NONO: variants seen among roughly 807,000 people sequenced by gnomAD.
The protein encoded by NONO is non-POU domain-containing octamer-binding protein.
Under a neutral mutation model 40.2 loss-of-function variants are expected in NONO, and 6 were observed. The ratio of observed to expected loss-of-function variants is 0.15; its 90% CI spans 0.08 to 0.29. The LOEUF is 0.29. Among genes scored for constraint, NONO ranks in the 10% least tolerant of loss-of-function variants. The pLI is 1.00. For synonymous variants in NONO, 89 were observed against 123.3 expected (o/e 0.72, Z 1.85); for missense variants, 133 against 397.8 (o/e 0.33, Z 5.66).
At chrX:71,295,238 A>G in intron 5 of NONO, among the ~76,000 whole-genome samples, 1 of 105,330 alleles carries the variant, frequency 9.5e-6, no homozygotes, top group Non-Finnish European at 1.9e-5. Context: ...AAAAAAAAAA[A>G]AAGACTTTTG....
rs1405066154 is a variant in NONO at position 71,297,031 on chromosome X, C to T, written c.927C>T (p.Val309=). ...EMEAARHEHQ[V]MLMRQDLMRR... ...AAGCTGCACGCCATGAGCACCAGGT[C>T]ATGCTAATGAGACAGGGTGAGTCTA... is the stretch of plus-strand genomic sequence containing the variant. The change falls in exon 7 of 12, where the codon GTC becomes GTT. Residue 309 remains valine (V), a synonymous_variant. Coordinates refer to ENST00000276079, the MANE Select transcript of NONO (RefSeq NM_007363.5). 1 of 1,198,325 alleles carries T rather than the reference C, an allele frequency of 8.3e-7. No homozygotes were observed.
chrX:71,284,190 C>T (rs1258284203), intron 1 of NONO: 4 of 112,590 alleles, frequency 3.6e-5, no homozygotes, highest in African/African-American at 1.3e-4. Flanking sequence ...TGGAAAGTTC[C>T]TCTGCATATC....
Position 71,299,922 on chromosome X carries a change from GCT to G in NONO, c.1282-15_1282-14del, listed in dbSNP as rs764838305. ...CCAACAATGGCTCTGTTACAGTGTT[GCT>G]CTCTTTTTCTCTTTAAGACCCCACC... On this transcript the variant is annotated intron_variant, in intron 11 of 11. Transcript: ENST00000276079. The G allele has an allele frequency of 1.3e-4, 158 of 1,208,364 alleles. 1 individual carries two copies. The African/African-American group carries it at 2.4e-3, about 19-fold the overall frequency.
chrX:71,297,414 A>G lies in NONO; in HGVS notation c.981A>G (p.Glu327=). 1 of 1,184,813 alleles carries G rather than the reference A, an allele frequency of 8.4e-7. No homozygotes were observed. The highest frequency in any genetic ancestry group is 1.9e-5 in the South Asian group (1 of 53,477). ...GCCAAGAAGAACTTCGGAGGATGGA[A>G]GAGCTGCACAACCAAGAGGTGCAAA... ...MRRQEELRRM[E]ELHNQEVQKR... The change falls in exon 8 of 12, where the codon GAA becomes GAG. Residue 327 remains glutamate, a synonymous_variant. Transcript: ENST00000276079.
chrX:71,296,218 T>C (rs1012208637), intron 5 of NONO, among the ~76,000 whole-genome samples: 1 of 104,519 alleles, frequency 9.6e-6, no homozygotes, highest in Non-Finnish European at 2.0e-5. Context: ...CAATCTCGGC[T>C]CATTTCAACC....
chrX:71,297,966 C>T (rs1482726890), intron 9 of NONO, 28 bp downstream of exon 9: 1 of 959,966 alleles, frequency 1.0e-6, no homozygotes. Context: ...CCGTGATGTA[C>T]CAGACCAGTC....
intron 2 of NONO, among the ~76,000 whole-genome samples, chrX:71,290,365 C>A (rs1261735171): frequency 8.9e-6 from 1 of 112,029 alleles, no homozygotes; most frequent in African/African-American, 3.2e-5. Context: ...TTTATTTTTT[C>A]TTTATTTTTT....
At position 71,300,933 on chromosome X, in the gene NONO, T is replaced by C. The variant is rs2031577338; in HGVS notation, c.*857T>C. ...CCCAGGAATGACCCTTTTGTGTCTATGATGTTGCTGTTCACAGCTTTTCTT... is the reference window on the plus strand; with the variant it reads ...CCCAGGAATGACCCTTTTGTGTCTACGATGTTGCTGTTCACAGCTTTTCTT... On this transcript the variant is annotated 3_prime_UTR_variant, in exon 12 of 12. Transcript: ENST00000276079. The C allele has an allele frequency of 1.3e-5, 2 of 159,297 alleles. No homozygotes were observed. Among genetic ancestry groups the C allele is most frequent in the African/African-American group, 6.1e-5 (2 of 32,975 alleles). The allele number at this position is 159,297 out of a possible 1,213,427, so 13.1% of individuals were successfully genotyped here.
At chrX:71,296,520 G>C (rs754716670) in intron 5 of NONO, 45 bp from the exon 6 acceptor site, 16 of 911,624 alleles carry the variant, frequency 1.8e-5, no homozygotes, top group South Asian at 4.5e-5. Context: ...AAGAAGCCTG[G>C]TGGGGTATGA....
intron 5 of NONO, 68 bp downstream of exon 5, chrX:71,294,596 C>T: frequency 4.0e-6 from 4 of 997,898 alleles, no homozygotes; most frequent in Middle Eastern, 2.7e-4. Context: ...GGAGAGTTAG[C>T]CTCTAGTAAC....
At chrX:71,291,577 A>G (rs2031328425) in intron 3 of NONO, among the ~76,000 whole-genome samples, 1 of 111,578 alleles carries the variant, frequency 9.0e-6, no homozygotes, top group Non-Finnish European at 1.9e-5. Context: ...CCCGTCGTAG[A>G]GCTGTTCAGA....
At chrX:71,291,107 TA>T (rs1220705758) in intron 3 of NONO, among the ~76,000 whole-genome samples, 1 of 112,204 alleles carries the variant, frequency 8.9e-6, no homozygotes, top group Non-Finnish European at 1.9e-5. Flanking sequence ...AAAAATAATA[TA>T]GAAAAGTCTT....
At chrX:71,287,711 G>A (rs963514459) in intron 2 of NONO, among the ~76,000 whole-genome samples, 1 of 108,052 alleles carries the variant, frequency 9.3e-6, no homozygotes, top group African/African-American at 3.4e-5. Flanking sequence ...TTGAGACAGG[G>A]TCTCATTCTG....
At chrX:71,294,680 G>A (rs2031396050) in intron 5 of NONO, 152 bp downstream of exon 5, 1 of 518,607 alleles carries the variant, frequency 1.9e-6, no homozygotes, top group Non-Finnish European at 3.1e-6. Flanking sequence ...CACTTTGGGA[G>A]GCCGGGGCAG....
Position 71,300,387 on chromosome X carries a change from G to T in NONO, c.*311G>T, listed in dbSNP as rs1602391937. On this transcript the variant is annotated 3_prime_UTR_variant, in exon 12 of 12. Transcript: ENST00000276079. ...GAGCCCATTAATCTTGATCATTCCG[G>T]TTTTTTTTTTTTTTGTCCATCTTGT... 18 of 239,002 alleles carry T rather than the reference G, an allele frequency of 7.5e-5. No individual in the cohort carries two copies. Among genetic ancestry groups the T allele is most frequent in the South Asian group, 5.3e-4 (8 of 15,166 alleles). 19.7% of individuals were successfully genotyped at this position (239,002 alleles called of 1,213,427 possible). A position where few individuals can be genotyped will look rare whatever the true frequency, so the allele number is the denominator to read the frequency against.
rs2031550943 is a variant in NONO at position 71,300,312 on chromosome X, A to G, written c.*236A>G. 2 of 396,885 alleles carry G rather than the reference A, an allele frequency of 5.0e-6. No individual in the cohort carries two copies. Among genetic ancestry groups the G allele is most frequent in the South Asian group, 3.6e-5 (1 of 27,832 alleles). The allele number at this position is 396,885 out of a possible 1,213,427, so 32.7% of individuals were successfully genotyped here. A position where few individuals can be genotyped will look rare whatever the true frequency, so the allele number is the denominator to read the frequency against. On this transcript the variant is annotated 3_prime_UTR_variant, in exon 12 of 12. Coordinates refer to ENST00000276079, the MANE Select transcript of NONO (RefSeq NM_007363.5). ...TGTGTGGTGCATTCCTGAAGTCTCT[A>G]ATGTGACTGTTGAGGGCCTGGGGAA...
chrX:71,284,967 CTG>C (rs2031156174), intron 2 of NONO: 1 of 112,548 alleles, frequency 8.9e-6, no homozygotes, highest in Non-Finnish European at 1.9e-5. Context: ...GATCTTCGTG[CTG>C]TGTTCTCTTT....
chrX:71,298,705 A>C lies in NONO; in HGVS notation c.1172-2A>C. On this transcript the variant is annotated splice_acceptor_variant, in intron 10 of 11. Coordinates refer to ENST00000276079, the MANE Select transcript of NONO (RefSeq NM_007363.5). LOFTEE classifies it high-confidence loss of function. ...TGTGCTGATCACACTACTCTGCCTT[A>C]GGTGCTATGGGCATAAACAACAGAG... The C allele has an allele frequency of 8.3e-7, 1 of 1,201,593 alleles. No individual in the cohort carries two copies. The highest frequency in any genetic ancestry group is 1.1e-6 in the Non-Finnish European group (1 of 887,189).
In NONO at chrX:71,294,264, T is replaced by C; in HGVS notation, c.386T>C (p.Leu129Pro). Residue 129 changes from leucine to proline, a missense_variant, in exon 5 of 12, where the codon CTG becomes CCG. This residue lies in a region of NONO where 32 missense variants were observed against 206.0 expected (regional missense o/e 0.16). Transcript: ENST00000276079. ...CTAGCGGAGATTGCCAAAGTGGAGCTGGACAATATGCCACTCCGTGGAAAG... is the reference window on the plus strand; with the variant it reads ...CTAGCGGAGATTGCCAAAGTGGAGCCGGACAATATGCCACTCCGTGGAAAG... ...RTLAEIAKVE[L>P]DNMPLRGKQL... 1 of 1,212,166 alleles carries C rather than the reference T, an allele frequency of 8.2e-7. No individual in the cohort carries two copies. Among genetic ancestry groups the C allele is most frequent in the Non-Finnish European group, 1.1e-6 (1 of 895,540 alleles).
Sources: gnomAD v4.1 joint callset for allele counts (sites outside exome capture counted in the v4.1 genomes callset) on GRCh38, gnomAD v4.1.1 for gene constraint, gnomAD v4.1.1 regional missense constraint, MANE v1.5 for transcripts, NCBI Gene and HGNC (gene_info 2026-07-23, HGNC 2026-07-21) for gene names.